Variants in OPN4 observed in about 807,000 individuals in gnomAD.
OPN4 encodes opsin 4.
A neutral mutation model predicts 49.5 loss-of-function variants in OPN4; 43 were observed. The ratio of observed to expected loss-of-function variants is 0.87; its 90% CI spans 0.68 to 1.12. The LOEUF (loss-of-function observed/expected upper bound fraction) is 1.12. Ranked by LOEUF, OPN4 falls within the 50% of genes most tolerant of loss-of-function variation. The pLI is 0.00. For synonymous variants in OPN4, 263 were observed against 258.0 expected, an observed-to-expected ratio of 1.02 and a Z score of -0.19; for missense variants, 657 against 643.9, an observed-to-expected ratio of 1.02 and a Z score of -0.22.
Position 86,659,329 on chromosome 10 carries a change from T to G in OPN4, c.661T>G (p.Cys221Gly). The change falls in exon 5 of 10, where the codon TGC (cysteine) becomes GGC (glycine). Residue 221 changes from cysteine to glycine, a missense_variant. Cys to Gly is a radical substitution (Grantham distance 159). Transcript: ENST00000241891. ...CGTGCCCGAGGGGTTGCTGACATCCTGCTCCTGGGACTACATGAGCTTCAC... is the reference window on the plus strand; with the variant it reads ...CGTGCCCGAGGGGTTGCTGACATCCGGCTCCTGGGACTACATGAGCTTCAC... Reference protein sequence around the residue: ...AYVPEGLLTSCSWDYMSFTPA... With the variant: ...AYVPEGLLTSGSWDYMSFTPA... The G allele has an allele frequency of 6.2e-7, 1 of 1,613,580 alleles. No individual in the cohort carries two copies. The highest frequency in any genetic ancestry group is 8.5e-7 in the Non-Finnish European group (1 of 1,180,000).
chr10:86,655,488 C>A (rs1843842656), intron 1 of OPN4, among the ~76,000 whole-genome samples: 1 of 152,176 alleles, frequency 6.6e-6, no homozygotes. Flanking sequence ...ACCAAGCCAC[C>A]CTCTCTTCCC....
At position 86,659,431 on chromosome 10, in the gene OPN4, T is replaced by G. The variant is rs1211808731; in HGVS notation, c.763T>G (p.Tyr255Asp). 3.7e-6 allele frequency: 6 copies of G among 1,614,048 alleles called. No individual in the cohort carries two copies. Among genetic ancestry groups the G allele is most frequent in the Non-Finnish European group, 5.1e-6 (6 of 1,179,982 alleles). Residue 255 changes from tyrosine (Y) to aspartate (D), a missense_variant, in exon 5 of 10, where the codon TAC becomes GAC. By Grantham distance (160) the Tyr-to-Asp change is radical. Coordinates refer to ENST00000241891, the MANE Select transcript of OPN4 (RefSeq NM_033282.4). ...CCCTCTGCTTATCATCATCTACTGC[T>G]ACATCTTCATCTTCAGGGCCATCCG... ...FLPLLIIIYC[Y>D]IFIFRAIRET...
At chr10:86,661,514 G>A (rs1356717029) in intron 7 of OPN4, 126 bp downstream of exon 7, 21 of 684,230 alleles carry the variant, frequency 3.1e-5, no homozygotes, top group African/African-American at 7.2e-5. Context: ...AGCTGGGAGC[G>A]GCCAATGACA....
Position 86,665,839 on chromosome 10 carries a change from G to T in OPN4, c.*88G>T. The T allele has an allele frequency of 9.1e-7, 1 of 1,101,806 alleles. No homozygotes were observed. The highest frequency in any genetic ancestry group is 1.4e-6 in the Non-Finnish European group (1 of 735,292). 68.3% of individuals were successfully genotyped at this position (1,101,806 alleles called of 1,614,324 possible). On this transcript the variant is annotated 3_prime_UTR_variant, in exon 10 of 10. Transcript: ENST00000241891. ...ACACAGACCCAGGATTATGCTGTGA[G>T]CCTGCAGGCTTTGGAAGTGGCCCTG...
At position 86,665,977 on chromosome 10, in the gene OPN4, C is replaced by G. The variant is rs753982345; in HGVS notation, c.*226C>G. 20 of 564,930 alleles carry G rather than the reference C, an allele frequency of 3.5e-5. No individual in the cohort carries two copies. The highest frequency in any genetic ancestry group is 5.0e-5 in the Non-Finnish European group (16 of 319,256). 35.0% of individuals were successfully genotyped at this position (564,930 alleles called of 1,614,324 possible). ...CACTTTCCAGCTCAGCAGCCGCACC[C>G]GAGGCTCAGCCTGAGGGGTATGTGC... On this transcript the variant is annotated 3_prime_UTR_variant, in exon 10 of 10. Transcript: ENST00000241891.
chr10:86,662,707 T>A (rs1844043403), intron 8 of OPN4, among the ~76,000 whole-genome samples: 1 of 152,236 alleles, frequency 6.6e-6, no homozygotes, highest in South Asian at 2.1e-4. Flanking sequence ...CTCCAGGCCA[T>A]CCTTTTCCAT....
At chr10:86,663,579 G>A in intron 8 of OPN4, 80 bp from the exon 9 acceptor site, 7 of 1,313,124 alleles carry the variant, frequency 5.3e-6, no homozygotes, top group Middle Eastern at 2.8e-4. Flanking sequence ...GAGGATGAAG[G>A]AGGGCCTGGT....
chr10:86,657,223 A>G, intron 2 of OPN4: 1 of 780,762 alleles, frequency 1.3e-6, no homozygotes, highest in Non-Finnish European at 2.4e-6. Flanking sequence ...CACTGTGATG[A>G]TGCAGTAAGT....
rs112395944 is a variant in OPN4, at chr10:86,655,019, T to C, written c.144+92T>C. ...ACACACAGGGGCTTTGACAGGGAGA[T>C]AGAAAAGGTCTGAACTCTGCTGTGG... On this transcript the variant is annotated intron_variant, in intron 1 of 9. Coordinates refer to ENST00000241891, the MANE Select transcript of OPN4 (RefSeq NM_033282.4). 5.6e-5 allele frequency: 77 copies of C among 1,363,038 alleles called. 1 individual carries two copies. The African/African-American group carries it at 7.6e-4, about 13-fold the overall frequency. 84.4% of individuals were successfully genotyped at this position (1,363,038 alleles called of 1,614,324 possible). A position where few individuals can be genotyped will look rare whatever the true frequency, so the allele number is the denominator to read the frequency against.
chr10:86,664,014 A>C, intron 9 of OPN4: 1 of 573,570 alleles, frequency 1.7e-6, no homozygotes, highest in Non-Finnish European at 3.1e-6. Context: ...TATGGTCTGC[A>C]CATGTGTGTG....
In OPN4 at chr10:86,654,739, C is replaced by G. The variant is rs768531487; in HGVS notation, c.-45C>G. ...AGCTGAAGTCCTGAGCTCCCTGTGCCCTTGACTTCTCTGTGGGCTCGAGCA... is the reference window on the plus strand; with the variant it reads ...AGCTGAAGTCCTGAGCTCCCTGTGCGCTTGACTTCTCTGTGGGCTCGAGCA... On this transcript the variant is annotated 5_prime_UTR_variant, in exon 1 of 10. Coordinates refer to ENST00000241891, the MANE Select transcript of OPN4 (RefSeq NM_033282.4). 6.3e-6 allele frequency: 10 copies of G among 1,582,762 alleles called. No individual in the cohort carries two copies. Among genetic ancestry groups the G allele is most frequent in the Non-Finnish European group, 8.6e-6 (10 of 1,157,676 alleles).
chr10:86,665,940 G>A lies in OPN4; in HGVS notation c.*189G>A, dbSNP rs34880769. 237 of 578,296 alleles carry A rather than the reference G, an allele frequency of 4.1e-4. No homozygotes were observed. Among genetic ancestry groups the A allele is most frequent in the African/African-American group, 1.1e-3 (56 of 53,178 alleles). The allele number at this position is 578,296 out of a possible 1,614,324, so 35.8% of individuals were successfully genotyped here. On this transcript the variant is annotated 3_prime_UTR_variant, in exon 10 of 10. Transcript: ENST00000241891. ...CACCTCAAAACTCCTGCCCCATAAC[G>A]TCCTCCGCATCCACTTTCCAGCTCA...
At chr10:86,657,183 TC>T in intron 2 of OPN4, 1 of 780,368 alleles carries the variant, frequency 1.3e-6, no homozygotes, top group South Asian at 1.3e-5. Context: ...CACTTTTCTT[TC>T]CGCAAAACAG....
At chr10:86,655,701 C>T (rs548677420) in intron 1 of OPN4, among the ~76,000 whole-genome samples, 6 of 152,258 alleles carry the variant, frequency 3.9e-5, no homozygotes, top group Middle Eastern at 3.4e-3. Flanking sequence ...CAGTAGGGGA[C>T]GGGACTCTTG....
Position 86,662,251 on chromosome 10 carries a change from G to T in OPN4, c.1074-1G>T. On this transcript the variant is annotated splice_acceptor_variant, in intron 7 of 9. Coordinates refer to ENST00000241891, the MANE Select transcript of OPN4 (RefSeq NM_033282.4). LOFTEE classifies it high-confidence loss of function. ...CCTAATCAGATGTGCGGCCCCTGCAGGGTGGCCATTGCCCAGCACCTGCCC... is the reference window on the plus strand; with the variant it reads ...CCTAATCAGATGTGCGGCCCCTGCATGGTGGCCATTGCCCAGCACCTGCCC... 1 of 1,608,572 alleles carries T rather than the reference G, an allele frequency of 6.2e-7. No homozygotes were observed. The highest frequency in any genetic ancestry group is 1.1e-5 in the South Asian group (1 of 89,996).
At chr10:86,665,441 G>A (rs1404658642) in intron 9 of OPN4, among the ~76,000 whole-genome samples, 1 of 152,086 alleles carries the variant, frequency 6.6e-6, no homozygotes, top group East Asian at 1.9e-4. Context: ...GAGCGGATTG[G>A]ATGGTGGGGG....
intron 2 of OPN4, 96 bp from the exon 3 acceptor site, chr10:86,657,936 C>T: frequency 1.5e-6 from 2 of 1,307,458 alleles, no homozygotes; most frequent in Non-Finnish European, 2.1e-6. Context: ...AAGTGTGTGG[C>T]ACGTGTGTGC....
At chr10:86,659,260 G>C (rs777584202) in intron 4 of OPN4, 37 bp from the exon 5 acceptor site, 2 of 1,564,314 alleles carry the variant, frequency 1.3e-6, no homozygotes, top group Non-Finnish European at 8.7e-7. Context: ...CGTGGTCAGT[G>C]CCGCCCCAAA....
chr10:86,656,344 GC>G, intron 2 of OPN4, 44 bp downstream of exon 2: 2 of 1,549,860 alleles, frequency 1.3e-6, no homozygotes, highest in Non-Finnish European at 1.7e-6. Context: ...GAGGGTGGCA[GC>G]CATGCAGACA....
Sources: allele counts gnomAD v4.1 joint callset (sites outside exome capture counted in the v4.1 genomes callset), GRCh38; gene constraint gnomAD v4.1.1; transcripts MANE v1.5; gene names NCBI Gene and HGNC (gene_info 2026-07-23, HGNC 2026-07-21).